The following C10orf53 variants were observed in gnomAD, a reference collection of about 807,000 sequenced individuals.
The protein encoded by C10orf53 is chromosome 10 open reading frame 53.
In C10orf53, 8 loss-of-function variants were observed where a neutral mutation model predicts 9.4. That is an observed-to-expected ratio of 0.85 (90% CI 0.50 to 1.53). The LOEUF (loss-of-function observed/expected upper bound fraction) is 1.53, where lower values mean the gene tolerates loss of function less well. C10orf53 is among the 40% of genes most tolerant of loss of function. The pLI, the probability that C10orf53 is intolerant of heterozygous loss-of-function variation, is 0.00. For missense variants in C10orf53, 117 were observed against 117.8 expected, an observed-to-expected ratio of 0.99 and a Z score of 0.03; for synonymous variants, 48 against 46.0, an observed-to-expected ratio of 1.04 and a Z score of -0.18.
intron 2 of C10orf53, 50 bp downstream of exon 2, chr10:49,693,943 G>A: frequency 6.2e-7 from 1 of 1,611,614 alleles, no homozygotes. Context: ...CCTCTGAGGA[G>A]TCCCTCAATT....
intron 1 of C10orf53, among the ~76,000 whole-genome samples, chr10:49,692,485 A>G (rs1391520764): frequency 6.6e-6 from 1 of 152,262 alleles, no homozygotes; most frequent in African/African-American, 2.4e-5. Context: ...TGTCTCTGTA[A>G]TTAAATGCAA....
chr10:49,697,494 G>A lies in C10orf53; in HGVS notation c.*2892G>A, dbSNP rs80343700. Among the ~76,000 whole-genome samples the A allele has an allele frequency of 2.3e-3, 349 of 152,296 alleles. 4 individuals carry two copies. The highest frequency in any genetic ancestry group is 7.7e-3 in the African/African-American group (322 of 41,570). ...TTTTATAAGATGTCAAGTCAATGTCGTTATGATTAACATGTAAAGAAAGTG... is the reference window on the plus strand; with the variant it reads ...TTTTATAAGATGTCAAGTCAATGTCATTATGATTAACATGTAAAGAAAGTG... On this transcript the variant is annotated 3_prime_UTR_variant, in exon 3 of 3. Coordinates refer to ENST00000374111, the MANE Select transcript of C10orf53 (RefSeq NM_001042427.3).
At chr10:49,709,328 C>G (rs1840745443) in exon 3 of C10orf53, 1 of 152,322 alleles carries the variant, frequency 6.6e-6, no homozygotes, top group Non-Finnish European at 1.5e-5. Flanking sequence ...TCAGCCAGGG[C>G]AATCATGCCA....
At position 49,694,517 on chromosome 10, in the gene C10orf53, C is replaced by A. The variant is rs995476597; in HGVS notation, c.218-21C>A. 5.0e-6 allele frequency: 8 copies of A among 1,613,818 alleles called. No homozygotes were observed. The African/African-American group carries it at 1.1e-4, about 22-fold the overall frequency. ...ATTGTATATAAAGCTAACCAAAAGACAATTATATCTGTTTCCCTAGGAGGC... is the reference window on the plus strand; with the variant it reads ...ATTGTATATAAAGCTAACCAAAAGAAAATTATATCTGTTTCCCTAGGAGGC... On this transcript the variant is annotated intron_variant, in intron 2 of 2. Coordinates refer to ENST00000374111, the MANE Select transcript of C10orf53 (RefSeq NM_001042427.3).
At chr10:49,702,225 AAGGGAGGGAGGGAGGG>A (rs756785421), downstream of C10orf53, among the ~76,000 whole-genome samples, 6 of 75,384 alleles carry the variant, frequency 8.0e-5, no homozygotes, top group South Asian at 6.8e-4. Flanking sequence ...GGAAGGAAGG[AAGGGAGGGAGGGAGGG>A]AGGGAGGGAG....
downstream of C10orf53, among the ~76,000 whole-genome samples, chr10:49,698,051 G>A (rs1401173473): frequency 1.3e-5 from 2 of 152,272 alleles, no homozygotes; most frequent in East Asian, 3.9e-4. Context: ...AGTGTTTTGG[G>A]AAGCCAAGAA....
intron 1 of C10orf53, among the ~76,000 whole-genome samples, chr10:49,683,145 A>G (rs1191098970): frequency 6.6e-6 from 1 of 152,258 alleles, no homozygotes; most frequent in African/African-American, 2.4e-5. Flanking sequence ...TGTTTTCCAA[A>G]GCAGCTGCAC....
chr10:49,690,563 T>C (rs1400990894), intron 1 of C10orf53, among the ~76,000 whole-genome samples: 2 of 152,222 alleles, frequency 1.3e-5, no homozygotes, highest in Admixed American at 6.5e-5. Flanking sequence ...TTATTATCCA[T>C]GAATTATAAT....
chr10:49,705,385 T>C (rs1337763140), intron 2 of C10orf53, among the ~76,000 whole-genome samples: 1 of 152,146 alleles, frequency 6.6e-6, no homozygotes, highest in Non-Finnish European at 1.5e-5. Context: ...AAAAATAATG[T>C]TTTAAAAATA....
downstream of C10orf53, among the ~76,000 whole-genome samples, chr10:49,700,302 A>T (rs1328166005): frequency 1.3e-5 from 2 of 152,208 alleles, no homozygotes; most frequent in Non-Finnish European, 2.9e-5. Context: ...ATCCAGGCCA[A>T]ATGCACTGAG....
chr10:49,689,981 G>C (rs1040036346), intron 1 of C10orf53, among the ~76,000 whole-genome samples: 1 of 152,154 alleles, frequency 6.6e-6, no homozygotes, highest in Non-Finnish European at 1.5e-5. Context: ...GGTCCGAGAG[G>C]GATGGGGAGC....
rs1590645468 is a variant in C10orf53, at chr10:49,696,061, G to T, written c.*1459G>T. The T allele has an allele frequency of 6.6e-6, 1 of 152,064 alleles. No homozygotes were observed. The highest frequency in any genetic ancestry group is 1.9e-4 in the East Asian group (1 of 5,168). 9.4% of individuals were successfully genotyped at this position (152,064 alleles called of 1,614,324 possible). On this transcript the variant is annotated 3_prime_UTR_variant, in exon 3 of 3. Transcript: ENST00000374111. ...AACATTTTTATATATTTCAATTTGG[G>T]TTTCTTCTGTTTATGTCTGAATATT... is the stretch of plus-strand genomic sequence containing the variant.
exon 3 of C10orf53, chr10:49,708,433 C>T (rs751794720): frequency 6.2e-6 from 10 of 1,614,012 alleles, no homozygotes; most frequent in Middle Eastern, 3.3e-4. Context: ...CTTAGCAGCC[C>T]GTGTAGGATG....
intron 1 of C10orf53, among the ~76,000 whole-genome samples, chr10:49,687,719 C>T (rs79693377): frequency 0.021 from 3,215 of 152,240 alleles, 102 homozygotes; most frequent in African/African-American, 0.07. Flanking sequence ...AGGCTCATTG[C>T]GAAGGGGAGG....
At chr10:49,705,267 C>T (rs1417364545) in intron 2 of C10orf53, among the ~76,000 whole-genome samples, 1 of 152,140 alleles carries the variant, frequency 6.6e-6, no homozygotes, top group South Asian at 2.1e-4. Context: ...AAGAAGCTAC[C>T]TCTAGACAGG....
intron 1 of C10orf53, among the ~76,000 whole-genome samples, chr10:49,690,683 A>T (rs560980006): frequency 6.6e-6 from 1 of 152,266 alleles, no homozygotes; most frequent in African/African-American, 2.4e-5. Flanking sequence ...TGCATGCTCT[A>T]CTTAAGTTTG....
chr10:49,700,399 T>C (rs1258325), downstream of C10orf53, among the ~76,000 whole-genome samples: 126,122 of 152,196 alleles, frequency 0.83, 54,288 homozygotes, highest in East Asian at 0.96. Context: ...TGAAGCTACC[T>C]TCTGTCAGTC....
intron 2 of C10orf53, among the ~76,000 whole-genome samples, chr10:49,705,191 T>C (rs1840714688): frequency 6.6e-6 from 1 of 152,136 alleles, no homozygotes; most frequent in Non-Finnish European, 1.5e-5. Context: ...TACTGTATGA[T>C]TTATGAAAAA....
chr10:49,703,439 C>G (rs1337600174), intron 2 of C10orf53, among the ~76,000 whole-genome samples: 1 of 152,160 alleles, frequency 6.6e-6, no homozygotes, highest in Admixed American at 6.5e-5. Context: ...ATGACCAAAC[C>G]TAGCTATGAA....
Sources: allele counts gnomAD v4.1 joint callset (sites outside exome capture counted in the v4.1 genomes callset), GRCh38; gene constraint gnomAD v4.1.1; transcripts MANE v1.5; gene names NCBI Gene and HGNC (gene_info 2026-07-23, HGNC 2026-07-21).